Variants in TMEM178B observed in about 807,000 individuals in gnomAD.
TMEM178B encodes transmembrane protein 178B.
A neutral mutation model predicts 31.0 loss-of-function variants in TMEM178B; 5 were observed. The observed-to-expected ratio is 0.16, with a 90% CI of 0.08 to 0.34. TMEM178B has a LOEUF of 0.34. Among genes scored for constraint, TMEM178B ranks in the 10% least tolerant of loss-of-function variants. TMEM178B has a pLI of 1.00. For missense variants in TMEM178B, 275 were observed against 400.3 expected (o/e 0.69, Z 2.67); for synonymous variants, 164 against 164.0 (o/e 1.00, Z 0.00).
At chr7:141,418,453 G>A (rs1037027900) in intron 2 of TMEM178B, among the ~76,000 whole-genome samples, 1 of 152,126 alleles carries the variant, frequency 6.6e-6, no homozygotes, top group Non-Finnish European at 1.5e-5. Context: ...CACAATGCCT[G>A]GCACACAATC....
At position 141,475,139 on chromosome 7, in the gene TMEM178B, T is replaced by G. The variant is rs1482044828; in HGVS notation, c.*4353T>G. The G allele has an allele frequency of 2.0e-5, 3 of 152,100 alleles. No homozygotes were observed. Among genetic ancestry groups the G allele is most frequent in the African/African-American group, 7.3e-5 (3 of 41,356 alleles). 9.4% of individuals were successfully genotyped at this position (152,100 alleles called of 1,614,324 possible). On this transcript the variant is annotated 3_prime_UTR_variant, in exon 4 of 4. Coordinates refer to ENST00000565468, the MANE Select transcript of TMEM178B (RefSeq NM_001195278.2). ...AAATACGATGTTTCTGAGTGAGAGG[T>G]GATTTCAGTGCAGATAGGAAGAGCT...
the TMEM178B span, among the ~76,000 whole-genome samples, chr7:141,510,476 G>A: frequency 1.3e-5 from 2 of 151,410 alleles, no homozygotes; most frequent in African/African-American, 2.4e-5. Flanking sequence ...ATCTGAGGTC[G>A]GGAGTTCAAG....
chr7:141,436,810 T>C (rs1402985212), intron 2 of TMEM178B, among the ~76,000 whole-genome samples: 1 of 152,032 alleles, frequency 6.6e-6, no homozygotes, highest in Non-Finnish European at 1.5e-5. Context: ...AATACTGCCT[T>C]TCCAGACAAC....
intron 2 of TMEM178B, among the ~76,000 whole-genome samples, chr7:141,378,358 AT>A (rs2116582389): frequency 6.6e-6 from 1 of 152,126 alleles, no homozygotes; most frequent in East Asian, 1.9e-4. Flanking sequence ...TGAAGTTACT[AT>A]TTTTCCCTTT....
intron 1 of TMEM178B, among the ~76,000 whole-genome samples, chr7:141,095,451 G>A (rs1287622499): frequency 6.6e-6 from 1 of 152,124 alleles, no homozygotes; most frequent in Non-Finnish European, 1.5e-5. Flanking sequence ...TTTTTGGAAT[G>A]TGTGTCATGA....
chr7:141,343,130 C>T (rs758660732), intron 2 of TMEM178B, among the ~76,000 whole-genome samples: 4 of 152,188 alleles, frequency 2.6e-5, no homozygotes, highest in African/African-American at 4.8e-5. Flanking sequence ...GCTGCTGGTC[C>T]GGGGACTGCA....
chr7:141,102,991 C>G (rs1473237685), intron 1 of TMEM178B, among the ~76,000 whole-genome samples: 1 of 152,186 alleles, frequency 6.6e-6, no homozygotes, highest in Non-Finnish European at 1.5e-5. Context: ...CTCTCTCCAT[C>G]ACAGGCAGCC....
At chr7:141,395,920 A>C (rs1321991992) in intron 2 of TMEM178B, among the ~76,000 whole-genome samples, 1 of 152,122 alleles carries the variant, frequency 6.6e-6, no homozygotes, top group African/African-American at 2.4e-5. Context: ...CTTCATATTC[A>C]GGAGGAGAGG....
At chr7:141,184,305 G>A (rs749450412) in intron 1 of TMEM178B, among the ~76,000 whole-genome samples, 1 of 152,156 alleles carries the variant, frequency 6.6e-6, no homozygotes. Context: ...CTTGGATCAG[G>A]TTTTAAGCCT....
chr7:141,229,100 G>GT (rs1554465447), intron 2 of TMEM178B, among the ~76,000 whole-genome samples: 5 of 134,782 alleles, frequency 3.7e-5, no homozygotes, highest in African/African-American at 1.4e-4. Context: ...GTGTGTGTGT[G>GT]GTGTGTGTGT....
Position 141,327,467 on chromosome 7 carries a change from T to C in TMEM178B, c.497-110141T>C, listed in dbSNP as rs532220245. Among the ~76,000 whole-genome samples the C allele has an allele frequency of 5.3e-5, 8 of 152,338 alleles. No homozygotes were observed. In the South Asian group the frequency reaches 1.7e-3, roughly 32 times the overall value. Reference sequence around the variant, plus strand: ...GTACATTTGTTATAATAGATGAGCCTACATTGGAACATTATTATCACTCAA... The same window carrying C: ...GTACATTTGTTATAATAGATGAGCCCACATTGGAACATTATTATCACTCAA... On this transcript the variant is annotated intron_variant, in intron 2 of 3. Coordinates refer to ENST00000565468, the MANE Select transcript of TMEM178B (RefSeq NM_001195278.2).
At chr7:141,451,853 G>A (rs1368123503) in intron 3 of TMEM178B, among the ~76,000 whole-genome samples, 1 of 152,048 alleles carries the variant, frequency 6.6e-6, no homozygotes, top group East Asian at 1.9e-4. Flanking sequence ...TTCATCTCTT[G>A]GAGTCTCTGT....
chr7:141,485,994 C>A, the TMEM178B span, among the ~76,000 whole-genome samples: 1 of 152,212 alleles, frequency 6.6e-6, no homozygotes, highest in Non-Finnish European at 1.5e-5. Flanking sequence ...ATGGAAGCAA[C>A]CTACATGTCC....
At chr7:141,511,194 C>T in the TMEM178B span, among the ~76,000 whole-genome samples, 2 of 151,022 alleles carry the variant, frequency 1.3e-5, no homozygotes, top group African/African-American at 4.9e-5. Context: ...AGGAAAGAAA[C>T]CTTCAATTGA....
intron 1 of TMEM178B, among the ~76,000 whole-genome samples, chr7:141,122,129 A>C (rs1296476730): frequency 6.6e-6 from 1 of 152,234 alleles, no homozygotes; most frequent in Non-Finnish European, 1.5e-5. Flanking sequence ...ATTTCACTGG[A>C]AAACTGGAAC....
At chr7:141,165,409 G>T (rs962761097) in intron 1 of TMEM178B, among the ~76,000 whole-genome samples, 3 of 152,190 alleles carry the variant, frequency 2.0e-5, no homozygotes, top group Non-Finnish European at 4.4e-5. Context: ...GTTTTGGGGA[G>T]AATTTCACAG....
chr7:141,094,862 C>T (rs1794932456), intron 1 of TMEM178B, among the ~76,000 whole-genome samples: 1 of 152,190 alleles, frequency 6.6e-6, no homozygotes, highest in Non-Finnish European at 1.5e-5. Context: ...TTCACTGTGT[C>T]TGCATTTCAG....
chr7:141,226,502 T>C (rs891719871), intron 2 of TMEM178B, among the ~76,000 whole-genome samples: 1 of 152,074 alleles, frequency 6.6e-6, no homozygotes, highest in African/African-American at 2.4e-5. Flanking sequence ...GTTTCATAGG[T>C]GAGGTCTCAA....
At chr7:141,275,160 A>G (rs551383207) in intron 2 of TMEM178B, among the ~76,000 whole-genome samples, 17 of 152,194 alleles carry the variant, frequency 1.1e-4, no homozygotes, top group Non-Finnish European at 2.2e-4. Flanking sequence ...TATCTGATGA[A>G]GGATTTGTAT....
Sources: gnomAD v4.1 joint callset for allele counts (sites outside exome capture counted in the v4.1 genomes callset) on GRCh38, gnomAD v4.1.1 for gene constraint, MANE v1.5 for transcripts, NCBI Gene and HGNC (gene_info 2026-07-23, HGNC 2026-07-21) for gene names.